Variants in ZNF175 observed in about 807,000 individuals in gnomAD.
ZNF175 encodes zinc finger protein 175.
In ZNF175, 8 loss-of-function variants were observed where a neutral mutation model predicts 14.0. The ratio of observed to expected loss-of-function variants is 0.57; its 90% CI spans 0.34 to 1.03. The LOEUF (loss-of-function observed/expected upper bound fraction) is 1.03. Ranked by LOEUF, ZNF175 falls within the 50% of genes least tolerant of loss-of-function variation. The pLI is 0.03. For missense variants in ZNF175, 764 were observed against 849.5 expected, an observed-to-expected ratio of 0.90 and a Z score of 1.25; for synonymous variants, 255 against 296.8, an observed-to-expected ratio of 0.86 and a Z score of 1.45.
At chr19:51,583,184 T>G (rs1007860027) in intron 4 of ZNF175, among the ~76,000 whole-genome samples, 20 of 152,308 alleles carry the variant, frequency 1.3e-4, no homozygotes, top group African/African-American at 4.8e-4. Context: ...GGAATTGACT[T>G]AAAGGACCCA....
intron 2 of ZNF175, among the ~76,000 whole-genome samples, chr19:51,576,313 C>G (rs1981788943): frequency 6.6e-6 from 1 of 152,002 alleles, no homozygotes; most frequent in African/African-American, 2.4e-5. Flanking sequence ...CCACGCCTGG[C>G]TAATTTTTAT....
chr19:51,586,930 T>G lies in ZNF175; in HGVS notation c.599T>G (p.Leu200Ter). Residue 200 changes from leucine (L) to a stop codon, truncating the protein, a stop_gained, in exon 5 of 5, where the codon TTA becomes TGA. Transcript: ENST00000262259. LOFTEE classifies it low-confidence loss of function (END_TRUNC). ...CAGAAACAACCTCAGAAATGTTGCT[T>G]ATTTACAGAAAGTTTGAAGCTGAAC... ...SSQKQPQKCC[L>*]FTESLKLNLE... is the part of the protein sequence containing the mutation. The G allele has an allele frequency of 6.2e-7, 1 of 1,614,146 alleles. No homozygotes were observed. The highest frequency in any genetic ancestry group is 8.5e-7 in the Non-Finnish European group (1 of 1,180,022).
In ZNF175 at chr19:51,573,397, G is replaced by T. The variant is rs1209637143; in HGVS notation, c.68G>T (p.Cys23Phe). Residue 23 changes from cysteine (C) to phenylalanine (F), a missense_variant, in exon 2 of 5, where the codon TGC becomes TTC. Coordinates refer to ENST00000262259, the MANE Select transcript of ZNF175 (RefSeq NM_007147.4). ...VLGPEKQDGS[C>F]EASVSFEDVT... ...GGTCCAGAGAAGCAGGATGGATCTTGCGAGGTAAACAGGGGCAGCCCTGGG... is the reference window on the plus strand; with the variant it reads ...GGTCCAGAGAAGCAGGATGGATCTTTCGAGGTAAACAGGGGCAGCCCTGGG... The T allele has an allele frequency of 6.2e-7, 1 of 1,612,762 alleles. No individual in the cohort carries two copies. The highest frequency in any genetic ancestry group is 1.3e-5 in the African/African-American group (1 of 74,802).
rs1254748230 is a variant in ZNF175 at position 51,581,869 on chromosome 19, T to A, written c.282T>A (p.His94Gln). ...EPRVEEAEVS[H>Q]QRCQEREFGL... is the part of the protein sequence containing the mutation. ...GTGTGGAGGAGGCTGAAGTCTCACA[T>A]CAGAGGTGTCAAGGTGAGTAAGTTG... Residue 94 changes from histidine to glutamine, a missense_variant, in exon 4 of 5, where the codon CAT (histidine) becomes CAA (glutamine). Coordinates refer to ENST00000262259, the MANE Select transcript of ZNF175 (RefSeq NM_007147.4). The A allele has an allele frequency of 6.2e-7, 1 of 1,613,666 alleles. No individual in the cohort carries two copies. Among genetic ancestry groups the A allele is most frequent in the East Asian group, 2.2e-5 (1 of 44,866 alleles).
Position 51,588,153 on chromosome 19 carries a change from ACT to A in ZNF175, c.1824_1825del (p.Thr610Ter). On this transcript the variant is annotated frameshift_variant, in exon 5 of 5. Coordinates refer to ENST00000262259, the MANE Select transcript of ZNF175 (RefSeq NM_007147.4). LOFTEE classifies it low-confidence loss of function (END_TRUNC). ...GRSNFHKHQI[T>X]HTRERPFVCY... Reference sequence around the variant, plus strand: ...GTCAAATTTCCATAAACATCAAATAACTCACACTAGAGAGAGGCCTTTTGTCT... The same window carrying A: ...GTCAAATTTCCATAAACATCAAATAACACACTAGAGAGAGGCCTTTTGTCT... The A allele has an allele frequency of 1.2e-6, 2 of 1,614,122 alleles. No individual in the cohort carries two copies. The highest frequency in any genetic ancestry group is 1.7e-6 in the Non-Finnish European group (2 of 1,180,020).
intron 1 of ZNF175, among the ~76,000 whole-genome samples, chr19:51,572,092 C>A (rs185681577): frequency 6.6e-6 from 1 of 152,230 alleles, no homozygotes; most frequent in East Asian, 1.9e-4. Flanking sequence ...TTGAGCACAT[C>A]GATGATGGTT....
rs765232077 is a variant in ZNF175, at chr19:51,581,899, C to T, written c.295+17C>T. On this transcript the variant is annotated intron_variant, in intron 4 of 4. Transcript: ENST00000262259. ...GGTGTCAAGGTGAGTAAGTTGTACC[C>T]GGGCAAATGTAGATATCTTTGCAGG... is the stretch of plus-strand genomic sequence containing the variant. 51 of 1,606,808 alleles carry T rather than the reference C, an allele frequency of 3.2e-5. No homozygotes were observed. The highest frequency in any genetic ancestry group is 5.3e-5 in the African/African-American group (4 of 74,798).
At chr19:51,582,672 C>T (rs1228960394) in intron 4 of ZNF175, among the ~76,000 whole-genome samples, 1 of 152,142 alleles carries the variant, frequency 6.6e-6, no homozygotes, top group African/African-American at 2.4e-5. Flanking sequence ...ATCTGATTGG[C>T]TTTTTCATTT....
chr19:51,573,231 G>T lies in ZNF175; in HGVS notation c.-99G>T. On this transcript the variant is annotated 5_prime_UTR_variant, in exon 2 of 5. Coordinates refer to ENST00000262259, the MANE Select transcript of ZNF175 (RefSeq NM_007147.4). The stretch of plus-strand genomic sequence containing the variant: ...ATAGCCCAGTACGACTCTCCGCCGT[G>T]TCCCTGGTTGGAAAATCCAAACACC... 8.5e-7 allele frequency: 1 copy of T among 1,172,422 alleles called. No homozygotes were observed. The highest frequency in any genetic ancestry group is 1.3e-6 in the Non-Finnish European group (1 of 784,474). 72.6% of individuals were successfully genotyped at this position (1,172,422 alleles called of 1,614,324 possible). A position where few individuals can be genotyped will look rare whatever the true frequency, so the allele number is the denominator to read the frequency against.
intron 1 of ZNF175, among the ~76,000 whole-genome samples, chr19:51,572,704 C>T (rs1981635840): frequency 6.6e-6 from 1 of 152,152 alleles, no homozygotes; most frequent in Non-Finnish European, 1.5e-5. Context: ...AACCTTCAGG[C>T]AAATTATGTA....
chr19:51,576,455 G>C (rs957977890), intron 2 of ZNF175, among the ~76,000 whole-genome samples: 1 of 152,060 alleles, frequency 6.6e-6, no homozygotes, highest in Non-Finnish European at 1.5e-5. Context: ...CGGCCTTCAG[G>C]AACAGTTTTA....
At chr19:51,575,217 T>TG (rs1981734404) in intron 2 of ZNF175, among the ~76,000 whole-genome samples, 1 of 135,034 alleles carries the variant, frequency 7.4e-6, no homozygotes, top group Non-Finnish European at 1.6e-5. Context: ...AGGTTTTTTT[T>TG]TTTTTTTTTT....
At chr19:51,583,452 T>C (rs1982075810) in intron 4 of ZNF175, among the ~76,000 whole-genome samples, 1 of 152,196 alleles carries the variant, frequency 6.6e-6, no homozygotes, top group Non-Finnish European at 1.5e-5. Flanking sequence ...ATTTAATTTA[T>C]TACTTTGGAA....
intron 2 of ZNF175, among the ~76,000 whole-genome samples, chr19:51,579,987 G>C (rs1478666148): frequency 1.3e-5 from 2 of 151,658 alleles, no homozygotes; most frequent in Admixed American, 1.3e-4. Context: ...TCAATATATA[G>C]AATATAGAAT....
intron 2 of ZNF175, chr19:51,573,673 A>C: frequency 2.2e-6 from 1 of 464,366 alleles, no homozygotes; most frequent in Non-Finnish European, 3.7e-6. Context: ...TAGGATGGAA[A>C]AGCTGACTCT....
At chr19:51,580,330 C>A (rs938160859) in intron 2 of ZNF175, among the ~76,000 whole-genome samples, 11 of 152,114 alleles carry the variant, frequency 7.2e-5, no homozygotes, top group Non-Finnish European at 7.4e-5. Flanking sequence ...GGTTATCTCT[C>A]TCCTTGTGAT....
chr19:51,581,850 A>G lies in ZNF175; in HGVS notation c.263A>G (p.Glu88Gly). ...RMLKEKEPRV[E>G]EAEVSHQRCQ... Reference sequence around the variant, plus strand: ...CTAAAAGAAAAGGAGCCGCGTGTGGAGGAGGCTGAAGTCTCACATCAGAGG... The same window carrying G: ...CTAAAAGAAAAGGAGCCGCGTGTGGGGGAGGCTGAAGTCTCACATCAGAGG... Residue 88 changes from glutamate to glycine, a missense_variant, in exon 4 of 5, where the codon GAG becomes GGG. Physicochemically the swap from Glu to Gly is moderately conservative, Grantham distance 98. Transcript: ENST00000262259. 1.2e-6 allele frequency: 2 copies of G among 1,613,900 alleles called. No individual in the cohort carries two copies. Among genetic ancestry groups the G allele is most frequent in the Non-Finnish European group, 1.7e-6 (2 of 1,179,852 alleles).
chr19:51,588,632 T>A lies in ZNF175; in HGVS notation c.*165T>A. On this transcript the variant is annotated 3_prime_UTR_variant, in exon 5 of 5. Coordinates refer to ENST00000262259, the MANE Select transcript of ZNF175 (RefSeq NM_007147.4). ...GAACACATGATAAAAAAGTCATGCTTTATTTTAGTGAGGGCAATTACAGAG... is the reference window on the plus strand; with the variant it reads ...GAACACATGATAAAAAAGTCATGCTATATTTTAGTGAGGGCAATTACAGAG... 2 of 733,812 alleles carry A rather than the reference T, an allele frequency of 2.7e-6. No individual in the cohort carries two copies. The highest frequency in any genetic ancestry group is 4.1e-6 in the Non-Finnish European group (2 of 490,442). 45.5% of individuals were successfully genotyped at this position (733,812 alleles called of 1,614,324 possible).
chr19:51,574,943 G>C (rs1165573382), intron 2 of ZNF175, among the ~76,000 whole-genome samples: 1 of 152,026 alleles, frequency 6.6e-6, no homozygotes, highest in Non-Finnish European at 1.5e-5. Context: ...TCATGTCAGA[G>C]TATATCCCAG....
Sources: allele counts gnomAD v4.1 joint callset (sites outside exome capture counted in the v4.1 genomes callset), GRCh38; gene constraint gnomAD v4.1.1; transcripts MANE v1.5; gene names NCBI Gene and HGNC (gene_info 2026-07-23, HGNC 2026-07-21).